SLC6A5: variants seen among roughly 807,000 people sequenced by gnomAD.
SLC6A5 encodes sodium- and chloride-dependent glycine transporter 2.
In SLC6A5, 58 loss-of-function variants were observed where a neutral mutation model predicts 90.5. That is an observed-to-expected ratio of 0.64 (90% CI 0.52 to 0.80). SLC6A5 has a LOEUF of 0.80. Among genes scored for constraint, SLC6A5 ranks in the 30% least tolerant of loss-of-function variants. The pLI is 0.00. For synonymous variants in SLC6A5, 427 were observed against 401.4 expected, an observed-to-expected ratio of 1.06 and a Z score of -0.76; for missense variants, 1,015 against 1,017.6, an observed-to-expected ratio of 1.00 and a Z score of 0.03.
chr11:20,630,836 T>A lies in SLC6A5; in HGVS notation c.1624+21T>A, dbSNP rs775279310. 6.8e-6 allele frequency: 11 copies of A among 1,613,662 alleles called. No homozygotes were observed. The South Asian group carries it at 1.2e-4, about 18-fold the overall frequency. On this transcript the variant is annotated intron_variant, in intron 10 of 15. Coordinates refer to ENST00000525748, the MANE Select transcript of SLC6A5 (RefSeq NM_004211.5). ...CCAAGGTACAGGACAGTTGTTACCC[T>A]GCTGTTGCAGGGCAGGTCCCAGGCT...
chr11:20,647,163 G>A (rs547713051), intron 14 of SLC6A5, among the ~76,000 whole-genome samples: 16 of 145,402 alleles, frequency 1.1e-4, no homozygotes, highest in African/African-American at 4.0e-4. Flanking sequence ...CTCATGCAAA[G>A]GTCTTTGGAG....
At position 20,657,516 on chromosome 11, in the gene SLC6A5, A is replaced by T. The variant is rs569783953; in HGVS notation, c.*2648A>T. On this transcript the variant is annotated 3_prime_UTR_variant, in exon 16 of 16. Transcript: ENST00000525748. ...TTACCTTGTAAATTTAGCTTGTCTAATGGATTGTTTCCATGATATTAAAAT... is the reference window on the plus strand; with the variant it reads ...TTACCTTGTAAATTTAGCTTGTCTATTGGATTGTTTCCATGATATTAAAAT... 14 of 152,190 alleles carry T rather than the reference A, an allele frequency of 9.2e-5. No individual in the cohort carries two copies. The highest frequency in any genetic ancestry group is 1.9e-4 in the Non-Finnish European group (13 of 68,038). The allele number at this position is 152,190 out of a possible 1,614,324, so 9.4% of individuals were successfully genotyped here.
At chr11:20,639,851 G>A (rs1200851033) in intron 13 of SLC6A5, among the ~76,000 whole-genome samples, 1 of 152,204 alleles carries the variant, frequency 6.6e-6, no homozygotes, top group African/African-American at 2.4e-5. Flanking sequence ...TGCAGGGAGA[G>A]TTTAGTTCCT....
At chr11:20,653,671 T>C (rs183338867) in intron 15 of SLC6A5, among the ~76,000 whole-genome samples, 14 of 152,312 alleles carry the variant, frequency 9.2e-5, no homozygotes, top group Admixed American at 3.3e-4. Context: ...TGTATTCTAG[T>C]TTCCAACCTC....
chr11:20,616,652 A>T (rs986798297), intron 6 of SLC6A5, among the ~76,000 whole-genome samples: 2 of 152,116 alleles, frequency 1.3e-5, no homozygotes, highest in African/African-American at 4.8e-5. Flanking sequence ...TTGCCGTGGA[A>T]CCAAGTTTAG....
rs79411207 is a variant in SLC6A5 at position 20,616,277 on chromosome 11, C to T, written c.1127+1457C>T. 0.026 allele frequency among the ~76,000 whole-genome samples: 3,915 copies of T among 152,234 alleles called. 398 individuals carry two copies. The East Asian group carries it at 0.34, about 13-fold the overall frequency. On this transcript the variant is annotated intron_variant, in intron 6 of 15. Transcript: ENST00000525748. ...CTACCATGGGGGTATTAGGGTGGGT[C>T]TTTAATTCTCCCTGAGCACTGAGCA...
rs1437184726 is a variant in SLC6A5, at chr11:20,654,955, C to A, written c.*87C>A. ...TTTCCATAGCTCTCCTCCCATTTTT[C>A]TTCATCTTTCTTCCTACATCTTGGT... is the stretch of plus-strand genomic sequence containing the variant. On this transcript the variant is annotated 3_prime_UTR_variant, in exon 16 of 16. Coordinates refer to ENST00000525748, the MANE Select transcript of SLC6A5 (RefSeq NM_004211.5). 1.5e-6 allele frequency: 2 copies of A among 1,323,046 alleles called. No individual in the cohort carries two copies. Among genetic ancestry groups the A allele is most frequent in the East Asian group, 4.6e-5 (2 of 43,574 alleles). 82.0% of individuals were successfully genotyped at this position (1,323,046 alleles called of 1,614,324 possible).
chr11:20,618,753 A>G (rs1171391545), intron 7 of SLC6A5, among the ~76,000 whole-genome samples: 2 of 152,132 alleles, frequency 1.3e-5, no homozygotes, highest in Non-Finnish European at 2.9e-5. Flanking sequence ...CCTGGCCAAC[A>G]TGGTGAAACC....
intron 10 of SLC6A5, among the ~76,000 whole-genome samples, chr11:20,633,986 C>A (rs1370623845): frequency 1.3e-5 from 2 of 152,142 alleles, no homozygotes; most frequent in Non-Finnish European, 2.9e-5. Context: ...ATTCTCCTGC[C>A]TCAGCCTCCT....
intron 15 of SLC6A5, among the ~76,000 whole-genome samples, chr11:20,653,119 T>C (rs1424875216): frequency 1.3e-5 from 2 of 152,148 alleles, no homozygotes; most frequent in Admixed American, 1.3e-4. Flanking sequence ...CAGTGAAGTG[T>C]GGTCAGGCTT....
chr11:20,640,269 T>A (rs2133812563), intron 13 of SLC6A5, among the ~76,000 whole-genome samples: 1 of 152,334 alleles, frequency 6.6e-6, no homozygotes, highest in East Asian at 1.9e-4. Flanking sequence ...GTACCCTAAC[T>A]GCTGATTGCC....
At chr11:20,625,508 C>T (rs555898459) in intron 7 of SLC6A5, among the ~76,000 whole-genome samples, 219 of 152,278 alleles carry the variant, frequency 1.4e-3, no homozygotes, top group African/African-American at 3.3e-3. Context: ...GTGATCTGCC[C>T]GCCTTGACCT....
chr11:20,644,842 G>A (rs184480149), intron 13 of SLC6A5, among the ~76,000 whole-genome samples: 9 of 150,654 alleles, frequency 6.0e-5, no homozygotes, highest in Non-Finnish European at 1.2e-4. Flanking sequence ...ACAGAGTTTC[G>A]CTCTGGTTGC....
intron 7 of SLC6A5, among the ~76,000 whole-genome samples, chr11:20,620,966 A>T (rs1388417236): frequency 2.6e-5 from 4 of 151,268 alleles, no homozygotes; most frequent in African/African-American, 4.9e-5. Flanking sequence ...CGCCCAGCTA[A>T]TTTTTTTTGT....
chr11:20,606,054 G>A (rs1038794697), intron 3 of SLC6A5, among the ~76,000 whole-genome samples: 1 of 152,216 alleles, frequency 6.6e-6, no homozygotes, highest in African/African-American at 2.4e-5. Flanking sequence ...CTGCGCTCGC[G>A]CATCTCCAGT....
At chr11:20,617,926 C>T (rs879269982) in intron 7 of SLC6A5, 42 bp downstream of exon 7, 13 of 1,606,778 alleles carry the variant, frequency 8.1e-6, no homozygotes, top group African/African-American at 1.3e-5. Flanking sequence ...GTGAGACACC[C>T]AGGGGCGGTT....
chr11:20,602,096 G>A (rs1427324490), intron 2 of SLC6A5, among the ~76,000 whole-genome samples: 1 of 152,210 alleles, frequency 6.6e-6, no homozygotes, highest in Non-Finnish European at 1.5e-5. Context: ...TGGAGGGGTA[G>A]GAGGATAATA....
At chr11:20,647,003 C>A in intron 14 of SLC6A5, 69 bp downstream of exon 14, 1 of 1,000,160 alleles carries the variant, frequency 1.0e-6, no homozygotes, top group Non-Finnish European at 1.6e-6. Flanking sequence ...TACATTTGAA[C>A]AGTGCATGCC....
In SLC6A5 at chr11:20,630,831, T is replaced by C; in HGVS notation, c.1624+16T>C. 5.6e-6 allele frequency: 9 copies of C among 1,613,962 alleles called. No homozygotes were observed. Among genetic ancestry groups the C allele is most frequent in the Non-Finnish European group, 7.6e-6 (9 of 1,179,808 alleles). ...GCAGACCAAGGTACAGGACAGTTGT[T>C]ACCCTGCTGTTGCAGGGCAGGTCCC... On this transcript the variant is annotated intron_variant, in intron 10 of 15. Coordinates refer to ENST00000525748, the MANE Select transcript of SLC6A5 (RefSeq NM_004211.5).
Sources: allele counts gnomAD v4.1 joint callset (sites outside exome capture counted in the v4.1 genomes callset), GRCh38; gene constraint gnomAD v4.1.1; transcripts MANE v1.5; gene names NCBI Gene and HGNC (gene_info 2026-07-23, HGNC 2026-07-21).